Variants in GPR137B observed in about 807,000 individuals in gnomAD.
GPR137B encodes G protein-coupled receptor 137B.
In GPR137B, 42 loss-of-function variants were observed where a neutral mutation model predicts 42.5. The observed-to-expected ratio is 0.99, with a 90% confidence interval of 0.77 to 1.28. The LOEUF is 1.28. Ranked by LOEUF, GPR137B falls within the 50% of genes most tolerant of loss-of-function variation. The pLI is 0.00. For synonymous variants in GPR137B, 218 were observed against 209.7 expected (o/e 1.04, Z -0.34); for missense variants, 487 against 493.9 (o/e 0.99, Z 0.13).
At chr1:236,149,708 A>G (rs1448105677) in intron 1 of GPR137B, among the ~76,000 whole-genome samples, 25 of 152,256 alleles carry the variant, frequency 1.6e-4, no homozygotes, top group Non-Finnish European at 2.9e-4. Flanking sequence ...GAAACAGACA[A>G]GGCGGGCCAA....
intron 1 of GPR137B, among the ~76,000 whole-genome samples, chr1:236,151,990 A>C (rs371643560): frequency 3.3e-5 from 5 of 152,096 alleles, no homozygotes; most frequent in African/African-American, 1.2e-4. Flanking sequence ...GGGTGTGAGC[A>C]ACCTTGGCGT....
rs1185127851 is a variant in GPR137B at position 236,179,060 on chromosome 1, G to A, written c.687+424G>A. Reference sequence around the variant, plus strand: ...GATCCACCTGCCTCGGCCTCCCAAAGTACTGGGATTACAGGTGTGAGCCAC... The same window carrying A: ...GATCCACCTGCCTCGGCCTCCCAAAATACTGGGATTACAGGTGTGAGCCAC... On this transcript the variant is annotated intron_variant, in intron 3 of 6. Transcript: ENST00000366592. Among the ~76,000 whole-genome samples, 7 of 151,946 alleles carry A rather than the reference G, an allele frequency of 4.6e-5. No individual in the cohort carries two copies. In the East Asian group the frequency reaches 1.2e-3, roughly 25 times the overall value.
chr1:236,178,391 CA>C, intron 2 of GPR137B, 22 bp from the exon 3 acceptor site: 2 of 1,439,866 alleles, frequency 1.4e-6, no homozygotes. Flanking sequence ...GTGCAGCTGA[CA>C]AGTTGCTCTC....
At chr1:236,166,750 C>T (rs1235895691) in intron 1 of GPR137B, among the ~76,000 whole-genome samples, 2 of 151,904 alleles carry the variant, frequency 1.3e-5, no homozygotes, top group African/African-American at 2.4e-5. Context: ...TTTGGGAGGC[C>T]GAGGTGGGTG....
At chr1:236,194,986 G>C (rs1480565475) in intron 5 of GPR137B, among the ~76,000 whole-genome samples, 3 of 151,986 alleles carry the variant, frequency 2.0e-5, no homozygotes, top group African/African-American at 7.3e-5. Context: ...TTTTTTTGTA[G>C]GTACATAGAT....
Position 236,179,933 on chromosome 1 carries a change from A to T in GPR137B, c.742A>T (p.Thr248Ser), listed in dbSNP as rs1571990103. ...AIGVTVILLY[T>S]SRACYNLFIL... ...CGGTGTCACCGTGATACTGCTTTAC[A>T]CCTCTCGGGCCTGCTACAACCTGTT... Residue 248 changes from threonine to serine, a missense_variant, in exon 4 of 7, where the codon ACC becomes TCC. Transcript: ENST00000366592. 1 of 1,610,560 alleles carries T rather than the reference A, an allele frequency of 6.2e-7. No individual in the cohort carries two copies. The highest frequency in any genetic ancestry group is 1.3e-5 in the African/African-American group (1 of 74,666).
chr1:236,143,882 A>G (rs1028139294), intron 1 of GPR137B, among the ~76,000 whole-genome samples: 1 of 152,216 alleles, frequency 6.6e-6, no homozygotes, highest in African/African-American at 2.4e-5. Flanking sequence ...AGCGTTGCAC[A>G]AAGGTTTAAT....
rs147639727 is a variant in GPR137B, at chr1:236,148,620, C to T, written c.414+5584C>T. 6.6e-5 allele frequency among the ~76,000 whole-genome samples: 10 copies of T among 152,274 alleles called. No homozygotes were observed. The South Asian group carries it at 1.7e-3, about 25-fold the overall frequency. On this transcript the variant is annotated intron_variant, in intron 1 of 6. Transcript: ENST00000366592. Reference sequence around the variant, plus strand: ...GGGCAGATGGGAAGCTGACATTTATCGGGGTCTGGTCTGTTCTGTTCTGAA... The same window carrying T: ...GGGCAGATGGGAAGCTGACATTTATTGGGGTCTGGTCTGTTCTGTTCTGAA...
chr1:236,169,847 C>G (rs548449016), intron 2 of GPR137B, among the ~76,000 whole-genome samples: 55 of 151,966 alleles, frequency 3.6e-4, no homozygotes, highest in Non-Finnish European at 6.3e-4. Context: ...CGAGACCAGC[C>G]TGGCCAACAT....
At chr1:236,157,713 A>G (rs1662073584) in intron 1 of GPR137B, among the ~76,000 whole-genome samples, 1 of 152,150 alleles carries the variant, frequency 6.6e-6, no homozygotes, top group Non-Finnish European at 1.5e-5. Flanking sequence ...GGTCCTCCTT[A>G]TATTCAGGTT....
chr1:236,170,511 G>A (rs1164544476), intron 2 of GPR137B, among the ~76,000 whole-genome samples: 1 of 152,002 alleles, frequency 6.6e-6, no homozygotes, highest in Non-Finnish European at 1.5e-5. Context: ...TCACTGCTTT[G>A]TACGTGGCTC....
intron 6 of GPR137B, chr1:236,207,334 T>C: frequency 4.3e-6 from 4 of 933,754 alleles, no homozygotes; most frequent in Non-Finnish European, 5.1e-6. Flanking sequence ...TCAAAAGCTG[T>C]CCTTTGGGTC....
At chr1:236,203,218 T>C (rs1254210) in intron 5 of GPR137B, among the ~76,000 whole-genome samples, 87,090 of 151,382 alleles carry the variant, frequency 0.58, 28,243 homozygotes, top group African/African-American at 0.87. Flanking sequence ...GCTGGGACTA[T>C]GGGCACCCCC....
intron 2 of GPR137B, 131 bp from the exon 3 acceptor site, chr1:236,178,283 A>G (rs758966854): frequency 2.4e-5 from 15 of 634,644 alleles, no homozygotes; most frequent in African/African-American, 5.5e-5. Flanking sequence ...GGGAACGTCT[A>G]TTGCCAGAGT....
chr1:236,179,213 C>G (rs1368612438), intron 3 of GPR137B, among the ~76,000 whole-genome samples: 1 of 152,006 alleles, frequency 6.6e-6, no homozygotes, highest in African/African-American at 2.4e-5. Flanking sequence ...GCACTACTGG[C>G]AAAAGAAAAT....
chr1:236,195,845 A>G (rs1204104539), intron 5 of GPR137B, among the ~76,000 whole-genome samples: 2 of 152,174 alleles, frequency 1.3e-5, no homozygotes, highest in African/African-American at 4.8e-5. Flanking sequence ...CATTTCTCTG[A>G]TGATCATTGA....
intron 5 of GPR137B, among the ~76,000 whole-genome samples, chr1:236,190,798 C>T (rs899128673): frequency 6.7e-6 from 1 of 150,026 alleles, no homozygotes; most frequent in Non-Finnish European, 1.5e-5. Flanking sequence ...GTGAATCTGA[C>T]GATTATGTGT....
Position 236,208,089 on chromosome 1 carries a change from C to T in GPR137B, c.1131C>T (p.Asn377=), listed in dbSNP as rs1353772593. ...PDYYDWGQQT[N]SFLAQAGTLQ... Reference sequence around the variant, plus strand: ...ACTATGATTGGGGACAACAAACTAACAGCTTCCTGGCACAAGCAGGAACTT... The same window carrying T: ...ACTATGATTGGGGACAACAAACTAATAGCTTCCTGGCACAAGCAGGAACTT... The change falls in exon 7 of 7, where the codon AAC becomes AAT. Residue 377 remains asparagine, a synonymous_variant. Transcript: ENST00000366592. The T allele has an allele frequency of 1.2e-6, 2 of 1,612,778 alleles. No individual in the cohort carries two copies. Among genetic ancestry groups the T allele is most frequent in the African/African-American group, 1.3e-5 (1 of 74,914 alleles).
chr1:236,165,809 T>G (rs1662335835), intron 1 of GPR137B, among the ~76,000 whole-genome samples: 1 of 152,246 alleles, frequency 6.6e-6, no homozygotes, highest in African/African-American at 2.4e-5. Flanking sequence ...TCCTAGCAGT[T>G]TCTAAATTTG....
Sources: allele counts gnomAD v4.1 joint callset (sites outside exome capture counted in the v4.1 genomes callset), GRCh38; gene constraint gnomAD v4.1.1; transcripts MANE v1.5; gene names NCBI Gene and HGNC (gene_info 2026-07-23, HGNC 2026-07-21).